The following RBFOX1 variants were observed in gnomAD, a reference collection of about 807,000 sequenced individuals.
The protein encoded by RBFOX1 is RNA binding protein fox-1 homolog 1.
Under a neutral mutation model 57.7 loss-of-function variants are expected in RBFOX1, and 8 were observed. That is an observed-to-expected ratio of 0.14 (90% CI 0.08 to 0.25). The LOEUF (loss-of-function observed/expected upper bound fraction) is 0.25, where lower values mean the gene tolerates loss of function less well. Ranked by LOEUF, RBFOX1 falls within the 10% of genes least tolerant of loss-of-function variation. The pLI is 1.00. For missense variants in RBFOX1, 611 were observed against 548.5 expected (o/e 1.11, Z -1.14); for synonymous variants, 326 against 222.4 (o/e 1.47, Z -4.15).
chr16:7,325,598 G>C (rs150514856), intron 4 of RBFOX1, among the ~76,000 whole-genome samples: 59 of 152,296 alleles, frequency 3.9e-4, no homozygotes, highest in African/African-American at 1.3e-3. Context: ...TCTTCTCCGG[G>C]TGTCTTTTTT....
intron 4 of RBFOX1, among the ~76,000 whole-genome samples, chr16:7,225,334 C>T (rs1281420659): frequency 6.6e-6 from 1 of 152,010 alleles, no homozygotes; most frequent in Non-Finnish European, 1.5e-5. Context: ...GGGCTGTTTT[C>T]CCCATACTGT....
At chr16:5,959,075 C>T (rs1201967781) in intron 4 of RBFOX1, among the ~76,000 whole-genome samples, 4 of 152,180 alleles carry the variant, frequency 2.6e-5, no homozygotes, top group Non-Finnish European at 5.9e-5. Flanking sequence ...TGCAGCAGTG[C>T]CTGGCACAGA....
intron 4 of RBFOX1, among the ~76,000 whole-genome samples, chr16:7,370,923 A>C (rs2097553579): frequency 6.6e-6 from 1 of 152,242 alleles, no homozygotes; most frequent in South Asian, 2.1e-4. Context: ...GACTGCAGCC[A>C]GGGTGAGTGG....
At chr16:6,639,330 T>C (rs2098468381) in intron 2 of RBFOX1, among the ~76,000 whole-genome samples, 2 of 152,154 alleles carry the variant, frequency 1.3e-5, no homozygotes, top group South Asian at 4.1e-4. Context: ...GTCCTTGTAG[T>C]GCTAGGATCT....
chr16:6,130,822 T>TA (rs2096624431), intron 1 of RBFOX1, among the ~76,000 whole-genome samples: 3 of 152,114 alleles, frequency 2.0e-5, no homozygotes, highest in Admixed American at 1.3e-4. Context: ...GAGGAAGATA[T>TA]AACAGCCCTA....
chr16:6,351,788 A>G (rs2086450678), intron 2 of RBFOX1, among the ~76,000 whole-genome samples: 1 of 152,190 alleles, frequency 6.6e-6, no homozygotes, highest in South Asian at 2.1e-4. Context: ...TATTTCAGAA[A>G]TGGAAGGCAA....
chr16:7,508,481 C>T (rs1057133394), intron 4 of RBFOX1, among the ~76,000 whole-genome samples: 2 of 152,052 alleles, frequency 1.3e-5, no homozygotes, highest in Non-Finnish European at 2.9e-5. Context: ...TCTTGTGAGA[C>T]AGGGCCTCTT....
At chr16:5,733,844 T>G (rs1262511829) in intron 3 of RBFOX1, among the ~76,000 whole-genome samples, 5 of 151,932 alleles carry the variant, frequency 3.3e-5, no homozygotes, top group Non-Finnish European at 4.4e-5. Flanking sequence ...CTCTAGTCTT[T>G]CCCTGGGATG....
intron 4 of RBFOX1, among the ~76,000 whole-genome samples, chr16:7,438,520 T>G (rs1275095507): frequency 6.6e-6 from 1 of 152,192 alleles, no homozygotes; most frequent in Non-Finnish European, 1.5e-5. Context: ...GACTCCAGCC[T>G]TCCTTTAGAA....
At chr16:7,235,951 C>T (rs948149365) in intron 4 of RBFOX1, among the ~76,000 whole-genome samples, 1 of 152,138 alleles carries the variant, frequency 6.6e-6, no homozygotes, top group African/African-American at 2.4e-5. Flanking sequence ...TTTCAATATT[C>T]ATTAGAAAGG....
chr16:7,226,995 G>A (rs1283766319), intron 4 of RBFOX1, among the ~76,000 whole-genome samples: 2 of 152,186 alleles, frequency 1.3e-5, no homozygotes, highest in Middle Eastern at 3.4e-3. Context: ...ATCTCTCCAG[G>A]ATAAAAAATG....
At chr16:7,146,830 G>T (rs932953828) in intron 4 of RBFOX1, among the ~76,000 whole-genome samples, 57 of 150,016 alleles carry the variant, frequency 3.8e-4, no homozygotes, top group African/African-American at 1.4e-3. Context: ...CATGCCTGTA[G>T]TCCCAGCTAC....
At chr16:7,515,584 T>C (rs559723833) in intron 4 of RBFOX1, among the ~76,000 whole-genome samples, 1 of 152,204 alleles carries the variant, frequency 6.6e-6, no homozygotes, top group African/African-American at 2.4e-5. Context: ...TGTCAAAACA[T>C]CAAGTTATAC....
At chr16:6,282,327 G>T (rs932606317) in intron 1 of RBFOX1, among the ~76,000 whole-genome samples, 1 of 149,302 alleles carries the variant, frequency 6.7e-6, no homozygotes, top group African/African-American at 2.5e-5. Flanking sequence ...TATGGCTTCA[G>T]GGCCTTCTCA....
intron 4 of RBFOX1, among the ~76,000 whole-genome samples, chr16:7,395,230 T>C (rs2098121497): frequency 6.6e-6 from 1 of 151,880 alleles, no homozygotes; most frequent in Non-Finnish European, 1.5e-5. Flanking sequence ...ATTGTTCAAA[T>C]TACAAAGCTT....
intron 10 of RBFOX1, among the ~76,000 whole-genome samples, chr16:7,619,361 G>A (rs1238735609): frequency 6.6e-6 from 1 of 152,144 alleles, no homozygotes; most frequent in Non-Finnish European, 1.5e-5. Context: ...AGCCATAGCA[G>A]GGGAAGGGGC....
Position 7,579,849 on chromosome 16 carries a change from C to G in RBFOX1, c.343C>G (p.Gln115Glu). The G allele has an allele frequency of 6.2e-7, 1 of 1,614,124 alleles. No individual in the cohort carries two copies. The highest frequency in any genetic ancestry group is 8.5e-7 in the Non-Finnish European group (1 of 1,179,974). Reference sequence around the variant, plus strand: ...TTCTGAAAACACGGAAAACAAGTCTCAGCCCAAGCGGCTGCATGTCTCCAA... The same window carrying G: ...TTCTGAAAACACGGAAAACAAGTCTGAGCCCAAGCGGCTGCATGTCTCCAA... ...QPSENTENKSQPKRLHVSNIP... is the reference protein window; with the variant it reads ...QPSENTENKSEPKRLHVSNIP... Residue 115 changes from glutamine (Q) to glutamate (E), a missense_variant, in exon 6 of 16, where the codon CAG becomes GAG. By Grantham distance (29) the Gln-to-Glu change is conservative (BLOSUM62 2). Coordinates refer to ENST00000550418, the MANE Select transcript of RBFOX1 (RefSeq NM_018723.4).
intron 1 of RBFOX1, among the ~76,000 whole-genome samples, chr16:5,411,282 G>A (rs2067014791): frequency 6.6e-6 from 1 of 152,204 alleles, no homozygotes; most frequent in Non-Finnish European, 1.5e-5. Flanking sequence ...GGTCATCCTG[G>A]ATTACCTGGG....
chr16:6,965,186 G>A (rs555286580), intron 3 of RBFOX1, among the ~76,000 whole-genome samples: 34 of 152,226 alleles, frequency 2.2e-4, no homozygotes, highest in Middle Eastern at 6.8e-3. Context: ...GTAGATTCTG[G>A]GAGAGGTGGG....
Sources: allele counts gnomAD v4.1 joint callset (sites outside exome capture counted in the v4.1 genomes callset), GRCh38; gene constraint gnomAD v4.1.1; transcripts MANE v1.5; gene names NCBI Gene and HGNC (gene_info 2026-07-23, HGNC 2026-07-21).